DRD2: variants seen among roughly 807,000 people sequenced by gnomAD.
DRD2 encodes the protein D(2) dopamine receptor.
In DRD2, 8 loss-of-function variants were observed where a neutral mutation model predicts 38.0. That is an observed-to-expected ratio of 0.21 (90% CI 0.12 to 0.38). The LOEUF (loss-of-function observed/expected upper bound fraction) is 0.38, where lower values mean the gene tolerates loss of function less well. Ranked by LOEUF, DRD2 falls within the 10% of genes least tolerant of loss-of-function variation. DRD2 has a pLI of 1.00. For missense variants in DRD2, 403 were observed against 607.7 expected (o/e 0.66, Z 3.54); for synonymous variants, 230 against 238.6 (o/e 0.96, Z 0.33).
At chr11:113,456,897 T>A (rs1951272891) in intron 1 of DRD2, among the ~76,000 whole-genome samples, 1 of 152,208 alleles carries the variant, frequency 6.6e-6, no homozygotes. Flanking sequence ...TTTCACATCA[T>A]GTATTTTTTT....
chr11:113,449,285 C>A (rs779232664), intron 1 of DRD2, among the ~76,000 whole-genome samples: 1 of 152,192 alleles, frequency 6.6e-6, no homozygotes, highest in African/African-American at 2.4e-5. Context: ...CTCATCAAGA[C>A]TTCTTCCTGC....
chr11:113,414,580 G>T, intron 5 of DRD2, 119 bp from the exon 6 acceptor site: 4 of 1,017,238 alleles, frequency 3.9e-6, no homozygotes, highest in South Asian at 3.9e-5. Flanking sequence ...AGATCAGGAG[G>T]GTGGGGGCCA....
At chr11:113,419,967 C>A (rs367959736) in intron 2 of DRD2, among the ~76,000 whole-genome samples, 3 of 152,224 alleles carry the variant, frequency 2.0e-5, no homozygotes, top group African/African-American at 7.2e-5. Flanking sequence ...TGTGCTGCTG[C>A]GCTGACCAGT....
At chr11:113,417,848 G>A (rs1425518572) in intron 3 of DRD2, among the ~76,000 whole-genome samples, 179 bp downstream of exon 3, 2 of 152,112 alleles carry the variant, frequency 1.3e-5, no homozygotes, top group African/African-American at 4.8e-5. Context: ...TAGGGAGTGT[G>A]TGCTCTCCTA....
intron 4 of DRD2, among the ~76,000 whole-genome samples, chr11:113,416,540 C>T (rs1217462770): frequency 2.0e-5 from 3 of 152,254 alleles, no homozygotes; most frequent in Admixed American, 6.5e-5. Context: ...CACATATACA[C>T]ACATGCAGTT....
chr11:113,442,456 G>T (rs1247450669), intron 1 of DRD2, among the ~76,000 whole-genome samples: 1 of 152,206 alleles, frequency 6.6e-6, no homozygotes, highest in Non-Finnish European at 1.5e-5. Context: ...TCAAGGGGTA[G>T]CGGCAGGAGG....
intron 1 of DRD2, among the ~76,000 whole-genome samples, chr11:113,436,296 T>A (rs1354158537): frequency 6.6e-6 from 1 of 152,092 alleles, no homozygotes. Flanking sequence ...AATGACCCAG[T>A]TTCTTCCAAA....
intron 1 of DRD2, among the ~76,000 whole-genome samples, chr11:113,447,055 C>A (rs1951157436): frequency 6.6e-6 from 1 of 152,196 alleles, no homozygotes; most frequent in South Asian, 2.1e-4. Flanking sequence ...AAACTCAGAT[C>A]TGTGTAGATG....
At chr11:113,416,218 G>C (rs529633078) in intron 4 of DRD2, among the ~76,000 whole-genome samples, 2 of 152,284 alleles carry the variant, frequency 1.3e-5, no homozygotes, top group South Asian at 4.1e-4. Context: ...CATTTTCAAG[G>C]CTTCACTGTA....
intron 1 of DRD2, among the ~76,000 whole-genome samples, chr11:113,437,817 C>T (rs1444202262): frequency 6.6e-6 from 1 of 152,160 alleles, no homozygotes; most frequent in Non-Finnish European, 1.5e-5. Flanking sequence ...ACAGGGTGTG[C>T]GTCCACCACC....
chr11:113,409,933 C>G lies in DRD2; in HGVS notation c.*794G>C, dbSNP rs576835791. 1 of 152,634 alleles carries G rather than the reference C, an allele frequency of 6.6e-6. No individual in the cohort carries two copies. The highest frequency in any genetic ancestry group is 2.1e-4 in the South Asian group (1 of 4,832). 9.5% of individuals were successfully genotyped at this position (152,634 alleles called of 1,614,324 possible). A position where few individuals can be genotyped will look rare whatever the true frequency, so the allele number is the denominator to read the frequency against. ...AGATAGAGTTCCAGGGCCTGACCTC[C>G]CTGCCAGGCCCCAGGCTGGCCAGCA... is the stretch of plus-strand genomic sequence containing the variant. On this transcript the variant is annotated 3_prime_UTR_variant, in exon 8 of 8. Transcript: ENST00000362072.
At chr11:113,453,221 T>C (rs1375359222) in intron 1 of DRD2, among the ~76,000 whole-genome samples, 1 of 152,118 alleles carries the variant, frequency 6.6e-6, no homozygotes, top group Non-Finnish European at 1.5e-5. Context: ...ATGCATACAA[T>C]ATCAACAACA....
rs1482499883 is a variant in DRD2 at position 113,464,116 on chromosome 11, C to G, written c.-32+10960G>C. On this transcript the variant is annotated intron_variant, in intron 1 of 7. Coordinates refer to ENST00000362072, the MANE Select transcript of DRD2 (RefSeq NM_000795.4). ...TCCACATCTTTATACCCACTTGCCA[C>G]CCTGTCTTCACCTTTCTTCTGTTTT... Among the ~76,000 whole-genome samples the G allele has an allele frequency of 2.0e-5, 3 of 152,204 alleles. No homozygotes were observed. In the East Asian group the frequency reaches 5.8e-4, roughly 29 times the overall value.
intron 1 of DRD2, among the ~76,000 whole-genome samples, chr11:113,460,749 A>G (rs1344813494): frequency 6.6e-6 from 1 of 152,176 alleles, no homozygotes; most frequent in African/African-American, 2.4e-5. Flanking sequence ...GTGTGGGGAG[A>G]TGCTGCAGAG....
In DRD2 at chr11:113,424,654, G is replaced by C; in HGVS notation, c.-3C>G. ...CAGGACAGATTCAGTGGATCCATCA[G>C]GGCGGTGGAGCCACTGGGTGGCCAG... On this transcript the variant is annotated 5_prime_UTR_variant, in exon 2 of 8. Coordinates refer to ENST00000362072, the MANE Select transcript of DRD2 (RefSeq NM_000795.4). 1 of 1,614,042 alleles carries C rather than the reference G, an allele frequency of 6.2e-7. No homozygotes were observed. The highest frequency in any genetic ancestry group is 8.5e-7 in the Non-Finnish European group (1 of 1,180,040).
chr11:113,465,111 A>ATT (rs142453320), intron 1 of DRD2, among the ~76,000 whole-genome samples: 1,611 of 145,678 alleles, frequency 0.011, 14 homozygotes, highest in Non-Finnish European at 0.018. Context: ...AGCCTCTGTG[A>ATT]TTTTTTTTTT....
intron 1 of DRD2, among the ~76,000 whole-genome samples, chr11:113,440,271 CT>C (rs1380811881): frequency 6.6e-6 from 1 of 152,176 alleles, no homozygotes; most frequent in Admixed American, 6.5e-5. Context: ...ATAAACTTTT[CT>C]TTTAACCTTT....
intron 1 of DRD2, among the ~76,000 whole-genome samples, chr11:113,469,684 T>C (rs1359322410): frequency 6.6e-6 from 1 of 151,958 alleles, no homozygotes; most frequent in Non-Finnish European, 1.5e-5. Flanking sequence ...AAAAATTCTT[T>C]AAAAAATTAG....
At chr11:113,457,432 C>A (rs1207559946) in intron 1 of DRD2, among the ~76,000 whole-genome samples, 3 of 152,102 alleles carry the variant, frequency 2.0e-5, no homozygotes, top group African/African-American at 7.2e-5. Flanking sequence ...TGGGCAGGGC[C>A]CTCAAGGATG....
Sources: gnomAD v4.1 joint callset for allele counts (sites outside exome capture counted in the v4.1 genomes callset) on GRCh38, gnomAD v4.1.1 for gene constraint, MANE v1.5 for transcripts, NCBI Gene and HGNC (gene_info 2026-07-23, HGNC 2026-07-21) for gene names.